CDH12: variants seen among roughly 807,000 people sequenced by gnomAD.
CDH12 encodes the protein cadherin 12.
Under a neutral mutation model 74.1 loss-of-function variants are expected in CDH12, and 41 were observed. That is an observed-to-expected ratio of 0.55 (90% CI 0.43 to 0.72). CDH12 has a LOEUF of 0.72. CDH12 is among the 30% of genes least tolerant of loss of function. The pLI, the probability that CDH12 is intolerant of heterozygous loss-of-function variation, is 0.00. For missense variants in CDH12, 945 were observed against 977.2 expected (o/e 0.97, Z 0.44); for synonymous variants, 399 against 355.0 (o/e 1.12, Z -1.39).
At chr5:22,415,376 C>T (rs1324966379) in intron 2 of CDH12, among the ~76,000 whole-genome samples, 3 of 152,116 alleles carry the variant, frequency 2.0e-5, no homozygotes, top group Admixed American at 2.0e-4. Context: ...ACATTCTTCC[C>T]CCTTTTGTGT....
intron 3 of CDH12, among the ~76,000 whole-genome samples, chr5:22,226,187 C>T (rs1406633353): frequency 1.3e-5 from 2 of 151,790 alleles, no homozygotes; most frequent in East Asian, 1.9e-4. Flanking sequence ...TCTCTATTCT[C>T]GGTATCCTGT....
chr5:21,817,381 T>G (rs189208219), intron 8 of CDH12, among the ~76,000 whole-genome samples: 1 of 152,232 alleles, frequency 6.6e-6, no homozygotes, highest in East Asian at 1.9e-4. Context: ...TAAAGTAAAA[T>G]TATTAGCAGG....
At chr5:22,535,234 A>G (rs1737786701) in intron 1 of CDH12, among the ~76,000 whole-genome samples, 2 of 143,466 alleles carry the variant, frequency 1.4e-5, no homozygotes, top group African/African-American at 5.3e-5. Context: ...GGCTCAATGC[A>G]AGCTCCGCTT....
At chr5:22,695,588 A>G (rs1742317978) in intron 1 of CDH12, among the ~76,000 whole-genome samples, 1 of 152,208 alleles carries the variant, frequency 6.6e-6, no homozygotes, top group South Asian at 2.1e-4. Flanking sequence ...ATATTTTAAA[A>G]TTATTTATAA....
chr5:22,618,574 A>G (rs555385289), intron 1 of CDH12, among the ~76,000 whole-genome samples: 11 of 152,268 alleles, frequency 7.2e-5, no homozygotes, highest in African/African-American at 2.6e-4. Flanking sequence ...CTGTCTGAAT[A>G]TCACCCTAAG....
intron 3 of CDH12, among the ~76,000 whole-genome samples, chr5:22,359,578 A>T (rs559205472): frequency 2.0e-4 from 30 of 152,318 alleles, no homozygotes; most frequent in East Asian, 7.7e-4. Context: ...CACCAAGTGG[A>T]CCTAATAGAC....
At chr5:21,961,129 C>T (rs1488609432) in intron 6 of CDH12, among the ~76,000 whole-genome samples, 9 of 151,964 alleles carry the variant, frequency 5.9e-5, no homozygotes, top group South Asian at 4.2e-4. Context: ...TATTTTGAGC[C>T]GATGATTAAA....
chr5:22,738,185 A>G (rs891424439), intron 1 of CDH12, among the ~76,000 whole-genome samples: 5 of 152,000 alleles, frequency 3.3e-5, no homozygotes, highest in South Asian at 4.1e-4. Flanking sequence ...AGCAGAATCT[A>G]TCTCCATGAC....
chr5:22,760,389 A>C (rs959088944), intron 1 of CDH12, among the ~76,000 whole-genome samples: 1 of 152,182 alleles, frequency 6.6e-6, no homozygotes, highest in African/African-American at 2.4e-5. Flanking sequence ...ATTTGAAAAA[A>C]GCGTAAATGG....
At chr5:21,918,547 C>T (rs1046725946) in intron 6 of CDH12, among the ~76,000 whole-genome samples, 2 of 151,984 alleles carry the variant, frequency 1.3e-5, no homozygotes, top group Admixed American at 6.6e-5. Flanking sequence ...GAAGGGGAAG[C>T]AAGGCACCTT....
chr5:21,951,398 TTTTTAGTAGAGACTAATTTTTGTAC>T lies in CDH12; in HGVS notation c.526+23668_526+23692del, dbSNP rs529999703. Among the ~76,000 whole-genome samples the T allele has an allele frequency of 3.9e-3, 597 of 152,224 alleles. 9 individuals carry two copies. Among genetic ancestry groups the T allele is most frequent in the African/African-American group, 0.014 (564 of 41,536 alleles). On this transcript the variant is annotated intron_variant, in intron 6 of 14. Coordinates refer to ENST00000382254, the MANE Select transcript of CDH12 (RefSeq NM_004061.5). ...CCACCACATACGGCTAATTTTTGTA[TTTTTAGTAGAGACTAATTTTTGTAC>T]TTTTAGTAGAGACAGGGTTTCACCA...
At chr5:22,263,027 G>A (rs1244497469) in intron 3 of CDH12, among the ~76,000 whole-genome samples, 1 of 151,784 alleles carries the variant, frequency 6.6e-6, no homozygotes, top group African/African-American at 2.4e-5. Context: ...AGTGGGCGAA[G>A]GACATGAACA....
chr5:22,739,794 T>C (rs1234105173), intron 1 of CDH12, among the ~76,000 whole-genome samples: 1 of 152,046 alleles, frequency 6.6e-6, no homozygotes, highest in Non-Finnish European at 1.5e-5. Context: ...TTAACATTAG[T>C]GTGAACTAGT....
At chr5:22,426,464 G>A (rs1051874222) in intron 2 of CDH12, among the ~76,000 whole-genome samples, 5 of 151,464 alleles carry the variant, frequency 3.3e-5, no homozygotes, top group Non-Finnish European at 7.4e-5. Flanking sequence ...CTTAATATTT[G>A]ACTTCCCATG....
chr5:21,896,405 C>T (rs1753125003), intron 6 of CDH12, among the ~76,000 whole-genome samples: 1 of 152,150 alleles, frequency 6.6e-6, no homozygotes, highest in African/African-American at 2.4e-5. Flanking sequence ...AAGATGGCAT[C>T]CTCTTTTCAT....
chr5:22,557,560 G>A (rs191252636), intron 1 of CDH12, among the ~76,000 whole-genome samples: 2 of 152,134 alleles, frequency 1.3e-5, no homozygotes, highest in East Asian at 1.9e-4. Context: ...GAATACGAAC[G>A]TAATATATAA....
chr5:22,478,120 T>C (rs959323214), intron 2 of CDH12, among the ~76,000 whole-genome samples: 2 of 152,082 alleles, frequency 1.3e-5, no homozygotes, highest in Admixed American at 6.6e-5. Context: ...GTTAATTTTT[T>C]TGAATATTGA....
intron 3 of CDH12, among the ~76,000 whole-genome samples, chr5:22,318,717 G>A (rs757973903): frequency 6.6e-6 from 1 of 152,162 alleles, no homozygotes; most frequent in Non-Finnish European, 1.5e-5. Flanking sequence ...TTTAGAAAGA[G>A]TCTCTTTCAA....
At chr5:22,106,264 T>TC (rs896097265) in intron 4 of CDH12, among the ~76,000 whole-genome samples, 13 of 152,168 alleles carry the variant, frequency 8.5e-5, no homozygotes, top group African/African-American at 3.1e-4. Context: ...TTCATATGTA[T>TC]CCCCAAACAT....
Sources: allele counts gnomAD v4.1 joint callset (sites outside exome capture counted in the v4.1 genomes callset), GRCh38; gene constraint gnomAD v4.1.1; transcripts MANE v1.5; gene names NCBI Gene and HGNC (gene_info 2026-07-23, HGNC 2026-07-21).